The following MCTP2 variants were observed in gnomAD, a reference collection of about 807,000 sequenced individuals.
MCTP2 encodes the protein multiple C2 and transmembrane domain containing 2.
Under a neutral mutation model 111.6 loss-of-function variants are expected in MCTP2, and 132 were observed. The observed-to-expected ratio is 1.18, with a 90% CI of 1.03 to 1.37. MCTP2 has a LOEUF of 1.37. Ranked by LOEUF, MCTP2 falls within the 40% of genes most tolerant of loss-of-function variation. MCTP2 has a pLI of 0.00. For synonymous variants in MCTP2, 395 were observed against 387.7 expected, an observed-to-expected ratio of 1.02 and a Z score of -0.22; for missense variants, 1,183 against 1,067.9, an observed-to-expected ratio of 1.11 and a Z score of -1.50.
intron 19 of MCTP2, among the ~76,000 whole-genome samples, chr15:94,454,593 C>CT (rs913979043): frequency 9.8e-4 from 117 of 119,276 alleles, no homozygotes; most frequent in Non-Finnish European, 5.7e-4. Context: ...AAATTGGACT[C>CT]TTTTGTGGAA....
At chr15:94,378,926 T>C (rs1001433000) in intron 12 of MCTP2, among the ~76,000 whole-genome samples, 1 of 152,190 alleles carries the variant, frequency 6.6e-6, no homozygotes, top group African/African-American at 2.4e-5. Context: ...TTGTTGAATA[T>C]ATGAACAGGT....
At position 94,371,920 on chromosome 15, in the gene MCTP2, C is replaced by A. The variant is rs540738791; in HGVS notation, c.1582+1740C>A. Among the ~76,000 whole-genome samples the A allele has an allele frequency of 5.3e-5, 8 of 152,204 alleles. No individual in the cohort carries two copies. In the South Asian group the frequency reaches 1.7e-3, roughly 32 times the overall value. On this transcript the variant is annotated intron_variant, in intron 12 of 22. Coordinates refer to ENST00000357742, the MANE Select transcript of MCTP2 (RefSeq NM_001385001.1). ...CTATCAAGTAACCTCCATAAAGCCC[C>A]CAAAACTAGTTTTTATAAAGATTGT...
At chr15:94,388,712 T>C (rs1211769818) in intron 14 of MCTP2, among the ~76,000 whole-genome samples, 4 of 152,224 alleles carry the variant, frequency 2.6e-5, no homozygotes, top group African/African-American at 9.6e-5. Context: ...TGGCATGTGC[T>C]GAACCATCAG....
At chr15:94,438,574 C>A (rs2083603084) in intron 17 of MCTP2, among the ~76,000 whole-genome samples, 1 of 152,120 alleles carries the variant, frequency 6.6e-6, no homozygotes, top group Non-Finnish European at 1.5e-5. Flanking sequence ...ATATTGATGT[C>A]TTTAAATGAA....
chr15:94,470,763 A>G (rs1410019734), intron 21 of MCTP2, among the ~76,000 whole-genome samples: 4 of 141,836 alleles, frequency 2.8e-5, no homozygotes, highest in South Asian at 2.3e-4. Flanking sequence ...TTAAGGAAAC[A>G]CTGTTCAAAC....
At position 94,479,073 on chromosome 15, in the gene MCTP2, G is replaced by A. The variant is rs752387830; in HGVS notation, c.*39G>A. 2.5e-6 allele frequency: 4 copies of A among 1,594,486 alleles called. No individual in the cohort carries two copies. The highest frequency in any genetic ancestry group is 1.3e-5 in the African/African-American group (1 of 74,662). On this transcript the variant is annotated 3_prime_UTR_variant, in exon 23 of 23. Transcript: ENST00000357742. ...TTTGGACAGCAGCACCCAATATTGTGTTTGGTTGAGTAGACCAATGTTATG... is the reference window on the plus strand; with the variant it reads ...TTTGGACAGCAGCACCCAATATTGTATTTGGTTGAGTAGACCAATGTTATG...
intron 1 of MCTP2, among the ~76,000 whole-genome samples, chr15:94,266,343 A>C (rs2073529282): frequency 6.6e-6 from 1 of 152,132 alleles, no homozygotes; most frequent in South Asian, 2.1e-4. Flanking sequence ...TATTTTTATT[A>C]TTATAATTAT....
At chr15:94,352,047 A>G (rs1053092296) in intron 8 of MCTP2, among the ~76,000 whole-genome samples, 2 of 152,162 alleles carry the variant, frequency 1.3e-5, no homozygotes, top group Non-Finnish European at 2.9e-5. Flanking sequence ...TCACATCACT[A>G]TCTCCCCAGC....
intron 1 of MCTP2, 178 bp downstream of exon 1, chr15:94,231,842 G>A (rs1379951551): frequency 6.6e-6 from 1 of 152,476 alleles, no homozygotes; most frequent in Non-Finnish European, 1.5e-5. Flanking sequence ...TCAGAAAGGT[G>A]TCCTGAGGAC....
At chr15:94,305,317 G>A (rs2075827425) in intron 2 of MCTP2, among the ~76,000 whole-genome samples, 1 of 152,104 alleles carries the variant, frequency 6.6e-6, no homozygotes, top group African/African-American at 2.4e-5. Flanking sequence ...CTAGTAAGTG[G>A]TATTTTGTTA....
chr15:94,377,503 C>CA (rs1354777082), intron 12 of MCTP2, among the ~76,000 whole-genome samples: 1 of 152,170 alleles, frequency 6.6e-6, no homozygotes, highest in Non-Finnish European at 1.5e-5. Flanking sequence ...AACTTAGAGG[C>CA]ACCGTGAGGG....
At chr15:94,457,242 C>T (rs1464469257) in intron 19 of MCTP2, among the ~76,000 whole-genome samples, 1 of 152,118 alleles carries the variant, frequency 6.6e-6, no homozygotes, top group Non-Finnish European at 1.5e-5. Context: ...AATAAGGGAG[C>T]TAGAACATAG....
At chr15:94,349,940 A>G (rs2078213906) in intron 8 of MCTP2, among the ~76,000 whole-genome samples, 2 of 152,096 alleles carry the variant, frequency 1.3e-5, no homozygotes, top group African/African-American at 2.4e-5. Context: ...TATTTATTGT[A>G]GGACTCTAAA....
At chr15:94,284,188 T>A (rs1231566558) in intron 1 of MCTP2, among the ~76,000 whole-genome samples, 1 of 152,224 alleles carries the variant, frequency 6.6e-6, no homozygotes, top group Admixed American at 6.5e-5. Flanking sequence ...TTGGACAGGA[T>A]AAGTCTCTCT....
At chr15:94,349,258 C>A (rs532579301) in intron 8 of MCTP2, among the ~76,000 whole-genome samples, 1 of 152,084 alleles carries the variant, frequency 6.6e-6, no homozygotes, top group African/African-American at 2.4e-5. Context: ...ACTTTCAAAG[C>A]TTGTATGTAC....
intron 14 of MCTP2, among the ~76,000 whole-genome samples, chr15:94,395,624 G>A (rs2081243160): frequency 6.6e-6 from 1 of 152,084 alleles, no homozygotes. Context: ...AATATAATGA[G>A]TGTACCATTT....
At chr15:94,443,145 G>A (rs76204369) in intron 19 of MCTP2, among the ~76,000 whole-genome samples, 185 bp downstream of exon 19, 3,408 of 151,420 alleles carry the variant, frequency 0.023, 92 homozygotes, top group African/African-American at 0.062. Flanking sequence ...TAAAAATGAG[G>A]TTGAGAAGGG....
At chr15:94,308,330 C>T (rs542184022) in intron 2 of MCTP2, among the ~76,000 whole-genome samples, 1 of 152,320 alleles carries the variant, frequency 6.6e-6, no homozygotes, top group Non-Finnish European at 1.5e-5. Flanking sequence ...CAGCTGCTTC[C>T]TGGTCAGGCG....
intron 2 of MCTP2, among the ~76,000 whole-genome samples, chr15:94,300,000 A>G (rs922137880): frequency 2.4e-4 from 37 of 152,228 alleles, no homozygotes; most frequent in Non-Finnish European, 5.9e-5. Context: ...TGAATTTGAA[A>G]TACATGTTTC....
Sources: allele counts gnomAD v4.1 joint callset (sites outside exome capture counted in the v4.1 genomes callset), GRCh38; gene constraint gnomAD v4.1.1; transcripts MANE v1.5; gene names NCBI Gene and HGNC (gene_info 2026-07-23, HGNC 2026-07-21).